RAG1: variants seen among roughly 807,000 people sequenced by gnomAD.
RAG1 encodes the protein V(D)J recombination-activating protein 1.
In RAG1, 35 loss-of-function variants were observed where a neutral mutation model predicts 62.7. The observed-to-expected ratio is 0.56, with a 90% CI of 0.43 to 0.74. The LOEUF (loss-of-function observed/expected upper bound fraction) is 0.74. RAG1 is among the 30% of genes least tolerant of loss of function. RAG1 has a pLI of 0.00. For synonymous variants in RAG1, 461 were observed against 470.3 expected, an observed-to-expected ratio of 0.98 and a Z score of 0.26; for missense variants, 1,169 against 1,278.6, an observed-to-expected ratio of 0.91 and a Z score of 1.31.
At chr11:36,542,266 G>A (rs578187047) in intron 3 of RAG1, among the ~76,000 whole-genome samples, 62 of 152,290 alleles carry the variant, frequency 4.1e-4, no homozygotes, top group Non-Finnish European at 6.9e-4. Context: ...AACAAAGTGA[G>A]TCTCTTTAAA....
At position 36,573,539 on chromosome 11, in the gene RAG1, C is replaced by G. The variant is rs1177495711; in HGVS notation, c.235C>G (p.Pro79Ala). ...TGGTCAGAAGCCAGTCCCAACTCAG[C>G]CATTGTTAAAAGCCCACCCTAAGTT... ...ADGQKPVPTQ[P>A]LLKAHPKFSK... The change falls in exon 2 of 2, where the codon CCA becomes GCA. Residue 79 changes from proline (P) to alanine (A), a missense_variant. By Grantham distance (27) the Pro-to-Ala change is conservative. Coordinates refer to ENST00000299440, the MANE Select transcript of RAG1 (RefSeq NM_000448.3). 6.2e-7 allele frequency: 1 copy of G among 1,614,182 alleles called. No individual in the cohort carries two copies. The highest frequency in any genetic ancestry group is 8.5e-7 in the Non-Finnish European group (1 of 1,180,046).
chr11:36,511,181 A>G (rs567728935), intron 1 of RAG1: 6 of 152,242 alleles, frequency 3.9e-5, no homozygotes, highest in Non-Finnish European at 5.9e-5. Flanking sequence ...GCCAGGCACA[A>G]ATAGGCTCAT....
chr11:36,517,065 G>C (rs1860006290), intron 1 of RAG1, among the ~76,000 whole-genome samples: 1 of 152,188 alleles, frequency 6.6e-6, no homozygotes, highest in African/African-American at 2.4e-5. Flanking sequence ...TCTGAGGCAG[G>C]ACAGGAGGAA....
intron 1 of RAG1, among the ~76,000 whole-genome samples, chr11:36,569,147 C>T (rs1449484214): frequency 6.6e-6 from 1 of 152,144 alleles, no homozygotes. Flanking sequence ...GCTGCTGCTG[C>T]TGCACCCTGG....
At chr11:36,570,542 T>C (rs1189638743) in intron 1 of RAG1, among the ~76,000 whole-genome samples, 1 of 152,212 alleles carries the variant, frequency 6.6e-6, no homozygotes, top group African/African-American at 2.4e-5. Flanking sequence ...TACCCAGTAG[T>C]AGGACTGCTG....
At chr11:36,539,776 C>A (rs187551582), downstream of RAG1, among the ~76,000 whole-genome samples, 3 of 152,330 alleles carry the variant, frequency 2.0e-5, 1 homozygote, top group East Asian at 5.8e-4. Flanking sequence ...TTGCACCCAG[C>A]CCCAGTTTTT....
chr11:36,576,963 A>G lies in RAG1; in HGVS notation c.*527A>G, dbSNP rs1401498248. 5.7e-6 allele frequency: 1 copy of G among 176,098 alleles called. No homozygotes were observed. 10.9% of individuals were successfully genotyped at this position (176,098 alleles called of 1,614,324 possible). A position where few individuals can be genotyped will look rare whatever the true frequency, so the allele number is the denominator to read the frequency against. ...AAGAGCTTTTTAAATTTTTCTAATA[A>G]TATCTTACATTTGTACAGCATGATG... On this transcript the variant is annotated 3_prime_UTR_variant, in exon 2 of 2. Coordinates refer to ENST00000299440, the MANE Select transcript of RAG1 (RefSeq NM_000448.3).
At chr11:36,536,115 G>A (rs188357381), downstream of RAG1, 26 of 152,244 alleles carry the variant, frequency 1.7e-4, no homozygotes, top group Middle Eastern at 3.4e-3. Flanking sequence ...AATATAAATG[G>A]ATGGAAGTCA....
intron 3 of RAG1, among the ~76,000 whole-genome samples, chr11:36,543,193 TATAGCCTTG>T (rs1214079554): frequency 2.0e-5 from 3 of 152,164 alleles, no homozygotes; most frequent in Non-Finnish European, 2.9e-5. Flanking sequence ...GGGTCTTAGG[TATAGCCTTG>T]ATTAGACCCC....
chr11:36,538,432 T>C (rs1247751833), downstream of RAG1, among the ~76,000 whole-genome samples: 6 of 152,152 alleles, frequency 3.9e-5, no homozygotes, highest in Non-Finnish European at 8.8e-5. Flanking sequence ...CAAACTCACA[T>C]TGAAATTGTT....
intron 1 of RAG1, among the ~76,000 whole-genome samples, chr11:36,568,510 G>A (rs1217683471): frequency 2.0e-5 from 3 of 152,092 alleles, no homozygotes; most frequent in East Asian, 1.9e-4. Context: ...TGGTTTCCCA[G>A]GTATTAACAA....
intron 3 of RAG1, among the ~76,000 whole-genome samples, chr11:36,548,444 G>A (rs755332155): frequency 6.6e-6 from 1 of 152,104 alleles, no homozygotes; most frequent in South Asian, 2.1e-4. Flanking sequence ...AAAAATCAAT[G>A]TGCAAAAATC....
At chr11:36,566,765 CT>C (rs1850667988), upstream of RAG1, among the ~76,000 whole-genome samples, 1 of 152,216 alleles carries the variant, frequency 6.6e-6, no homozygotes, top group Admixed American at 6.5e-5. Context: ...TTTCTCCTCT[CT>C]CCCAGTGTTA....
rs1408063282 is a variant in RAG1 at position 36,575,484 on chromosome 11, T to C, written c.2180T>C (p.Val727Ala). The change falls in exon 2 of 2, where the codon GTC (valine) becomes GCC (alanine). Residue 727 changes from valine (V) to alanine (A), a missense_variant. Physicochemically the swap from Val to Ala is moderately conservative, Grantham distance 64 (BLOSUM62 0). Coordinates refer to ENST00000299440, the MANE Select transcript of RAG1 (RefSeq NM_000448.3). The surrounding 1 kb of genome is among the most constrained non-coding windows in gnomAD (Gnocchi z 4.1). The part of the protein sequence containing the change: ...EVEGLEASGS[V>A]YICTLCDATR... ...GAAGGCCTCGAGGCTTCTGGCTCAG[T>C]CTACATTTGTACTCTTTGTGATGCC... The C allele has an allele frequency of 6.2e-7, 1 of 1,614,068 alleles. No homozygotes were observed. Among genetic ancestry groups the C allele is most frequent in the Non-Finnish European group, 8.5e-7 (1 of 1,180,048 alleles).
downstream of RAG1, among the ~76,000 whole-genome samples, chr11:36,537,111 C>A (rs1157857709): frequency 1.3e-5 from 2 of 151,900 alleles, no homozygotes; most frequent in Admixed American, 6.6e-5. Flanking sequence ...AATTCAGAGG[C>A]AGAAATCATT....
Position 36,577,135 on chromosome 11 carries a change from G to T in RAG1, c.*699G>T, listed in dbSNP as rs1264611245. 1.8e-5 allele frequency: 3 copies of T among 166,918 alleles called. No individual in the cohort carries two copies. Among genetic ancestry groups the T allele is most frequent in the Non-Finnish European group, 4.4e-5 (3 of 68,116 alleles). The allele number at this position is 166,918 out of a possible 1,614,324, so 10.3% of individuals were successfully genotyped here. ...AGTTTAGGAGGTCATCTGCTGTCATGGATTTTTCAATAATGAATTTAGAAT... is the reference window on the plus strand; with the variant it reads ...AGTTTAGGAGGTCATCTGCTGTCATTGATTTTTCAATAATGAATTTAGAAT... On this transcript the variant is annotated 3_prime_UTR_variant, in exon 2 of 2. Transcript: ENST00000299440.
intron 2 of RAG1, among the ~76,000 whole-genome samples, chr11:36,535,559 C>T (rs1197961240): frequency 6.6e-6 from 1 of 152,092 alleles, no homozygotes; most frequent in Non-Finnish European, 1.5e-5. Flanking sequence ...GCCTGGCCAA[C>T]ATGGTGAAAC....
downstream of RAG1, among the ~76,000 whole-genome samples, chr11:36,536,442 A>C (rs1033180444): frequency 1.3e-5 from 2 of 152,146 alleles, no homozygotes; most frequent in Non-Finnish European, 2.9e-5. Flanking sequence ...TATAGGTATT[A>C]AAAGTCTAAA....
chr11:36,536,730 A>C (rs1860334382), downstream of RAG1, among the ~76,000 whole-genome samples: 1 of 151,292 alleles, frequency 6.6e-6, no homozygotes. Context: ...TTTTATATTT[A>C]TACTACATAT....
Sources: gnomAD v4.1 joint callset for allele counts (sites outside exome capture counted in the v4.1 genomes callset) on GRCh38, gnomAD v4.1.1 for gene constraint, Gnocchi (gnomAD v3.1) non-coding constraint, MANE v1.5 for transcripts, NCBI Gene and HGNC (gene_info 2026-07-23, HGNC 2026-07-21) for gene names.